Variants in UNC13A observed in about 807,000 individuals in gnomAD.
UNC13A encodes unc-13 homolog A.
UNC13A carries 61 observed loss-of-function variants against 219.7 expected under a neutral mutation model. That is an observed-to-expected ratio of 0.28 (90% CI 0.23 to 0.34). The LOEUF (loss-of-function observed/expected upper bound fraction) is 0.34. Among genes scored for constraint, UNC13A ranks in the 10% least tolerant of loss-of-function variants. UNC13A has a pLI of 1.00. For missense variants in UNC13A, 1,476 were observed against 2,270.3 expected (o/e 0.65, Z 7.11); for synonymous variants, 920 against 884.6 (o/e 1.04, Z -0.71).
chr19:17,672,671 C>T (rs1429952260), intron 3 of UNC13A, among the ~76,000 whole-genome samples, 176 bp from the exon 4 acceptor site: 1 of 151,996 alleles, frequency 6.6e-6, no homozygotes, highest in Non-Finnish European at 1.5e-5. Flanking sequence ...GAAACTGAGG[C>T]CAGTGGGGGA....
At chr19:17,659,268 C>A (rs971067514) in intron 8 of UNC13A, among the ~76,000 whole-genome samples, 7 of 151,284 alleles carry the variant, frequency 4.6e-5, no homozygotes, top group Non-Finnish European at 1.0e-4. Flanking sequence ...CATACCAAGA[C>A]CCTGTCTCTA....
At chr19:17,631,779 C>T (rs2076858148) in intron 28 of UNC13A, among the ~76,000 whole-genome samples, 1 of 152,196 alleles carries the variant, frequency 6.6e-6, no homozygotes, top group Non-Finnish European at 1.5e-5. Flanking sequence ...GAGTCTCACT[C>T]TGTCGCCCAG....
rs537095470 is a variant in UNC13A, at chr19:17,663,514, A to G, written c.559+18T>C. On this transcript the variant is annotated intron_variant, in intron 8 of 43. Transcript: ENST00000519716. Reference sequence around the variant, plus strand: ...TTCCCATGTAACTCCCAGAACATCAATCAGGCTGAGTACTTACTGTGCTGC... The same window carrying G: ...TTCCCATGTAACTCCCAGAACATCAGTCAGGCTGAGTACTTACTGTGCTGC... 12 of 1,612,546 alleles carry G rather than the reference A, an allele frequency of 7.4e-6. No individual in the cohort carries two copies. Among genetic ancestry groups the G allele is most frequent in the Middle Eastern group, 1.6e-4 (1 of 6,062 alleles).
intron 12 of UNC13A, among the ~76,000 whole-genome samples, chr19:17,651,557 G>C (rs1230728834): frequency 2.0e-5 from 3 of 152,180 alleles, no homozygotes; most frequent in Non-Finnish European, 4.4e-5. Flanking sequence ...AGTGAGATAG[G>C]TGCCTGCAGC....
chr19:17,647,557 A>G, intron 16 of UNC13A, 65 bp from the exon 17 acceptor site: 1 of 1,494,168 alleles, frequency 6.7e-7, no homozygotes, highest in Non-Finnish European at 9.0e-7. Flanking sequence ...CACCAAGGCG[A>G]GAGCCCCGCC....
intron 1 of UNC13A, among the ~76,000 whole-genome samples, chr19:17,684,584 C>T (rs1419819950): frequency 6.6e-6 from 1 of 152,188 alleles, no homozygotes; most frequent in Non-Finnish European, 1.5e-5. Flanking sequence ...CAGCGGGGCA[C>T]CACATGAATA....
At chr19:17,653,642 T>C (rs1462005774) in intron 11 of UNC13A, among the ~76,000 whole-genome samples, 2 of 150,528 alleles carry the variant, frequency 1.3e-5, no homozygotes, top group Non-Finnish European at 3.0e-5. Context: ...AGCCACTGCA[T>C]CCGGCTCTGA....
At chr19:17,680,234 G>GTCAGTAAATGGTTCCCCTGTCTTCCCT (rs2079981379) in intron 1 of UNC13A, among the ~76,000 whole-genome samples, 6 of 152,102 alleles carry the variant, frequency 3.9e-5, no homozygotes, top group Admixed American at 2.0e-4. Context: ...TGTCTTCCCC[G>GTCAGTAAATGGTTCCCCTGTCTTCCCT]GTCAGTAAAT....
At chr19:17,648,282 C>T (rs1293769005) in intron 16 of UNC13A, 149 bp downstream of exon 16, 3 of 820,810 alleles carry the variant, frequency 3.7e-6, no homozygotes, top group Non-Finnish European at 5.3e-6. Flanking sequence ...TCCCTTTCAG[C>T]GAGTCCCTCC....
rs948012324 is a variant in UNC13A at position 17,616,316 on chromosome 19, CAGA to C, written c.4558+1383_4558+1385del. On this transcript the variant is annotated intron_variant, in intron 41 of 43. Transcript: ENST00000519716. ...GCGGCGGCCCTGCAGGCCCTTGAGG[CAGA>C]AGGACGATCCTTTTACTAGCCGGGG... is the stretch of plus-strand genomic sequence containing the variant. 7.7e-5 allele frequency: 50 copies of C among 645,378 alleles called. No individual in the cohort carries two copies. In the Admixed American group the frequency reaches 9.3e-4, roughly 12 times the overall value. The allele number at this position is 645,378 out of a possible 1,614,324, so 40.0% of individuals were successfully genotyped here. A position where few individuals can be genotyped will look rare whatever the true frequency, so the allele number is the denominator to read the frequency against.
intron 18 of UNC13A, 54 bp downstream of exon 18, chr19:17,645,916 G>T (rs945081175): frequency 3.4e-5 from 55 of 1,599,432 alleles, no homozygotes; most frequent in Non-Finnish European, 4.1e-5. Context: ...GCCCTCTTTT[G>T]GCTGCCCCAG....
chr19:17,678,425 G>T (rs983036963), intron 1 of UNC13A, among the ~76,000 whole-genome samples: 3 of 152,208 alleles, frequency 2.0e-5, no homozygotes, highest in African/African-American at 7.2e-5. Flanking sequence ...GTTGCAGTGA[G>T]CTGAGATTGT....
At chr19:17,629,438 A>C in intron 30 of UNC13A, 115 bp from the exon 31 acceptor site, 1 of 889,088 alleles carries the variant, frequency 1.1e-6, no homozygotes. Flanking sequence ...ATTAGGACCT[A>C]AGATGGGCCT....
intron 12 of UNC13A, among the ~76,000 whole-genome samples, chr19:17,651,265 T>G (rs2079342207): frequency 6.6e-6 from 1 of 150,800 alleles, no homozygotes; most frequent in Admixed American, 6.6e-5. Flanking sequence ...AAAAAAATTC[T>G]TTTGTAGAGA....
At chr19:17,668,594 C>T (rs889322715) in intron 5 of UNC13A, among the ~76,000 whole-genome samples, 50 of 152,130 alleles carry the variant, frequency 3.3e-4, no homozygotes, top group African/African-American at 1.0e-3. Context: ...TCAAGCGATT[C>T]TCCTGCCTCA....
At chr19:17,661,104 C>CTTTTTTTTTTT (rs11287808) in intron 8 of UNC13A, among the ~76,000 whole-genome samples, 2 of 135,388 alleles carry the variant, frequency 1.5e-5, no homozygotes, top group Non-Finnish European at 1.6e-5. Context: ...ACACCCGGCC[C>CTTTTTTTTTTT]TTTTTTTTTT....
At chr19:17,654,772 T>C (rs1166858286) in intron 11 of UNC13A, among the ~76,000 whole-genome samples, 1 of 152,186 alleles carries the variant, frequency 6.6e-6, no homozygotes, top group African/African-American at 2.4e-5. Flanking sequence ...ATTCTAACCC[T>C]GACCTCTGAT....
At position 17,611,853 on chromosome 19, in the gene UNC13A, A is replaced by C. The variant is rs780254235; in HGVS notation, c.4561T>G (p.Leu1521Val). The C allele has an allele frequency of 3.1e-6, 5 of 1,613,680 alleles. No individual in the cohort carries two copies. In the Admixed American group the frequency reaches 8.3e-5, roughly 27 times the overall value. The change falls in exon 42 of 44, where the codon TTG (leucine) becomes GTG (valine). Residue 1521 changes from leucine (L) to valine (V), a missense_variant and splice_region_variant. By Grantham distance (32) the Leu-to-Val change is conservative. Transcript: ENST00000519716. ...TFVQTQSAQG[L>V]GVEDPVGEVS... ...TCACCCACAGGGTCTTCTACACCCAAGCCTGGGCAGGGCAGGGGAGGATGG... is the reference window on the plus strand; with the variant it reads ...TCACCCACAGGGTCTTCTACACCCACGCCTGGGCAGGGCAGGGGAGGATGG...
intron 8 of UNC13A, among the ~76,000 whole-genome samples, chr19:17,660,711 TAG>T (rs2079536596): frequency 6.6e-6 from 1 of 151,848 alleles, no homozygotes; most frequent in Non-Finnish European, 1.5e-5. Context: ...TTTGTATTTT[TAG>T]TAGAGATGGG....
Sources: gnomAD v4.1 joint callset for allele counts (sites outside exome capture counted in the v4.1 genomes callset) on GRCh38, gnomAD v4.1.1 for gene constraint, MANE v1.5 for transcripts, NCBI Gene and HGNC (gene_info 2026-07-23, HGNC 2026-07-21) for gene names.